ARB2A: variants seen among roughly 807,000 people sequenced by gnomAD.
ARB2A encodes cotranscriptional regulator ARB2A.
At chr5:93,992,879 A>C in the ARB2A span, among the ~76,000 whole-genome samples, 1 of 152,048 alleles carries the variant, frequency 6.6e-6, no homozygotes. Flanking sequence ...AACAAAACAT[A>C]AACTATTAAT....
At chr5:93,870,361 G>A in the ARB2A span, among the ~76,000 whole-genome samples, 7 of 152,158 alleles carry the variant, frequency 4.6e-5, no homozygotes, top group South Asian at 1.5e-3. Flanking sequence ...AGTTTACATC[G>A]CCGCTCATAT....
chr5:93,976,340 C>T, the ARB2A span, among the ~76,000 whole-genome samples: 35 of 152,198 alleles, frequency 2.3e-4, no homozygotes, highest in Non-Finnish European at 3.4e-4. Context: ...TAGAAGTATT[C>T]CCCCTAAGAA....
chr5:93,870,803 TA>T, the ARB2A span, among the ~76,000 whole-genome samples: 1 of 152,222 alleles, frequency 6.6e-6, no homozygotes, highest in Non-Finnish European at 1.5e-5. Context: ...TTACCTCTGT[TA>T]AATCTCAATC....
At chr5:93,954,707 C>G in the ARB2A span, among the ~76,000 whole-genome samples, 1 of 152,042 alleles carries the variant, frequency 6.6e-6, no homozygotes, top group Non-Finnish European at 1.5e-5. Flanking sequence ...ACAGCAAGCA[C>G]AGCACAGCAC....
the ARB2A span, among the ~76,000 whole-genome samples, chr5:93,867,875 T>C: frequency 6.6e-6 from 1 of 152,148 alleles, no homozygotes; most frequent in Admixed American, 6.5e-5. Flanking sequence ...TATTGTTTTC[T>C]TCTCATATTA....
At chr5:93,778,557 T>C in the ARB2A span, among the ~76,000 whole-genome samples, 1 of 152,272 alleles carries the variant, frequency 6.6e-6, no homozygotes, top group Admixed American at 6.5e-5. Context: ...TTCTCTCTCT[T>C]TTTTTTAAAC....
chr5:93,850,423 T>C, the ARB2A span, among the ~76,000 whole-genome samples: 26 of 152,180 alleles, frequency 1.7e-4, no homozygotes, highest in Admixed American at 1.3e-3. Context: ...TGCAGGTATG[T>C]ACAGGGTGGA....
At chr5:93,622,970 G>A in the ARB2A span, among the ~76,000 whole-genome samples, 2 of 152,122 alleles carry the variant, frequency 1.3e-5, no homozygotes, top group African/African-American at 4.8e-5. Flanking sequence ...TTTTGAATTT[G>A]GAGGCATTTA....
the ARB2A span, among the ~76,000 whole-genome samples, chr5:93,875,206 A>G: frequency 6.6e-6 from 1 of 151,754 alleles, no homozygotes; most frequent in Non-Finnish European, 1.5e-5. Flanking sequence ...TAAATGGAAG[A>G]GCTGGAATTC....
chr5:93,628,088 T>G, the ARB2A span, among the ~76,000 whole-genome samples: 1 of 128,024 alleles, frequency 7.8e-6, no homozygotes, highest in African/African-American at 2.9e-5. Flanking sequence ...TGAGATGGAG[T>G]CTTGCTCTGT....
chr5:93,819,118 G>A, the ARB2A span, among the ~76,000 whole-genome samples: 2 of 148,268 alleles, frequency 1.3e-5, no homozygotes, highest in East Asian at 2.0e-4. Flanking sequence ...CCCGGGAGGC[G>A]GAGCTTGCAG....
chr5:94,055,354 C>T, the ARB2A span, among the ~76,000 whole-genome samples: 4 of 152,136 alleles, frequency 2.6e-5, no homozygotes, highest in Admixed American at 1.3e-4. Context: ...CCGTCTCTCA[C>T]AGAAATATAA....
At chr5:93,939,015 T>C in the ARB2A span, among the ~76,000 whole-genome samples, 1 of 152,208 alleles carries the variant, frequency 6.6e-6, no homozygotes. Context: ...TTTAAAAATA[T>C]TCTTGGCATC....
At chr5:93,695,439 C>T in the ARB2A span, among the ~76,000 whole-genome samples, 2 of 152,180 alleles carry the variant, frequency 1.3e-5, no homozygotes, top group African/African-American at 4.8e-5. Flanking sequence ...GAAAAAAGCT[C>T]ATCATAACTG....
chr5:94,027,479 C>T, the ARB2A span, among the ~76,000 whole-genome samples: 2 of 152,260 alleles, frequency 1.3e-5, no homozygotes, highest in East Asian at 3.9e-4. Flanking sequence ...GGTAATAAGG[C>T]TTCCATAAAA....
chr5:94,100,817 C>T, the ARB2A span, among the ~76,000 whole-genome samples: 4 of 152,112 alleles, frequency 2.6e-5, no homozygotes, highest in South Asian at 8.3e-4. Flanking sequence ...AATGTAAAAC[C>T]CAAAACTATA....
chr5:93,885,968 T>C, the ARB2A span, among the ~76,000 whole-genome samples: 2 of 151,526 alleles, frequency 1.3e-5, no homozygotes, highest in Non-Finnish European at 1.5e-5. Context: ...AACAAACAGG[T>C]GATGACAAAC....
the ARB2A span, among the ~76,000 whole-genome samples, chr5:93,646,160 CTG>C: frequency 6.6e-6 from 1 of 151,930 alleles, no homozygotes; most frequent in African/African-American, 2.4e-5. Flanking sequence ...CTAAAAGAGA[CTG>C]AAATAATCTT....
chr5:93,901,042 G>T, the ARB2A span, among the ~76,000 whole-genome samples: 10 of 152,108 alleles, frequency 6.6e-5, no homozygotes, highest in Non-Finnish European at 1.5e-4. Context: ...GCTTTAGTAG[G>T]TCTGGTTCCT....
Sources: allele counts gnomAD v4.1 joint callset (sites outside exome capture counted in the v4.1 genomes callset), GRCh38; gene constraint gnomAD v4.1.1; transcripts MANE v1.5; gene names NCBI Gene and HGNC (gene_info 2026-07-23, HGNC 2026-07-21).